The following NALF1 variants were observed in gnomAD, a reference collection of about 807,000 sequenced individuals.
The protein encoded by NALF1 is family with sequence similarity 155 member A.
In NALF1, 3 loss-of-function variants were observed where a neutral mutation model predicts 48.4. That is an observed-to-expected ratio of 0.06 (90% CI 0.03 to 0.16). The LOEUF (loss-of-function observed/expected upper bound fraction) is 0.16. Ranked by LOEUF, NALF1 falls within the 10% of genes least tolerant of loss-of-function variation. The pLI, the probability that NALF1 is intolerant of heterozygous loss-of-function variation, is 1.00. For synonymous variants in NALF1, 262 were observed against 245.7 expected (o/e 1.07, Z -0.62); for missense variants, 526 against 571.5 (o/e 0.92, Z 0.81).
chr13:107,492,760 T>A (rs1402111443), intron 1 of NALF1, among the ~76,000 whole-genome samples: 1 of 152,162 alleles, frequency 6.6e-6, no homozygotes, highest in Non-Finnish European at 1.5e-5. Context: ...TGGCTGTACA[T>A]CATGGATAGG....
chr13:107,269,430 G>A (rs1881109874), intron 1 of NALF1, among the ~76,000 whole-genome samples: 4 of 152,132 alleles, frequency 2.6e-5, no homozygotes, highest in Non-Finnish European at 5.9e-5. Context: ...AAAAAAGTCA[G>A]GGGTCCAGGG....
chr13:107,673,066 G>C (rs1405510916), intron 1 of NALF1, among the ~76,000 whole-genome samples: 2 of 152,124 alleles, frequency 1.3e-5, no homozygotes, highest in African/African-American at 4.8e-5. Flanking sequence ...GGTACCTATA[G>C]CAACTACACC....
chr13:107,782,717 A>C (rs1877933929), intron 1 of NALF1, among the ~76,000 whole-genome samples: 1 of 146,210 alleles, frequency 6.8e-6, no homozygotes, highest in Non-Finnish European at 1.5e-5. Context: ...CCCGTCTGGG[A>C]TGTGAGGAGC....
At chr13:107,672,636 T>C (rs1037665202) in intron 1 of NALF1, among the ~76,000 whole-genome samples, 1 of 152,210 alleles carries the variant, frequency 6.6e-6, no homozygotes, top group Non-Finnish European at 1.5e-5. Context: ...TCTGTGATTC[T>C]TTCACATTAT....
chr13:107,770,745 T>C (rs1459068522), intron 1 of NALF1, among the ~76,000 whole-genome samples: 4 of 152,250 alleles, frequency 2.6e-5, no homozygotes, highest in Non-Finnish European at 5.9e-5. Context: ...AATGGGCTCA[T>C]TGTAAATGTT....
At chr13:107,850,769 G>A (rs1195219243) in intron 1 of NALF1, among the ~76,000 whole-genome samples, 1 of 152,076 alleles carries the variant, frequency 6.6e-6, no homozygotes, top group East Asian at 1.9e-4. Context: ...CGAACGTGGT[G>A]GCATGTGCCT....
intron 1 of NALF1, among the ~76,000 whole-genome samples, chr13:107,552,106 A>T (rs1455260957): frequency 6.6e-6 from 1 of 152,130 alleles, no homozygotes; most frequent in Non-Finnish European, 1.5e-5. Context: ...GGGAAATCTA[A>T]GATAAATAGA....
At chr13:107,816,768 G>T (rs541541636) in intron 1 of NALF1, among the ~76,000 whole-genome samples, 1 of 152,026 alleles carries the variant, frequency 6.6e-6, no homozygotes, top group East Asian at 1.9e-4. Flanking sequence ...TAAATTAAAC[G>T]TACAACAGAA....
intron 1 of NALF1, among the ~76,000 whole-genome samples, chr13:107,792,553 A>G (rs1457501141): frequency 6.6e-6 from 1 of 152,204 alleles, no homozygotes; most frequent in Admixed American, 6.5e-5. Flanking sequence ...AAAATGGGAC[A>G]TTGTAAGTGC....
At chr13:107,453,752 A>C (rs1303078335) in intron 1 of NALF1, among the ~76,000 whole-genome samples, 1 of 152,234 alleles carries the variant, frequency 6.6e-6, no homozygotes, top group African/African-American at 2.4e-5. Context: ...CAAATTTACC[A>C]AACTTTTATG....
chr13:107,183,728 C>T (rs756120715), intron 2 of NALF1, among the ~76,000 whole-genome samples: 3 of 152,102 alleles, frequency 2.0e-5, no homozygotes, highest in Non-Finnish European at 4.4e-5. Context: ...TCATTCACAG[C>T]AAACTAACAC....
intron 1 of NALF1, among the ~76,000 whole-genome samples, chr13:107,621,965 G>A (rs572271506): frequency 3.3e-5 from 5 of 151,290 alleles, no homozygotes; most frequent in African/African-American, 9.7e-5. Context: ...TGTGATTCAT[G>A]GAATGACATC....
At chr13:107,457,391 T>C (rs1374611512) in intron 1 of NALF1, among the ~76,000 whole-genome samples, 1 of 152,148 alleles carries the variant, frequency 6.6e-6, no homozygotes, top group Non-Finnish European at 1.5e-5. Flanking sequence ...ATAGGTAATA[T>C]TGGCCTCAAT....
intron 1 of NALF1, among the ~76,000 whole-genome samples, chr13:107,698,531 C>T (rs959836765): frequency 5.9e-5 from 9 of 152,146 alleles, no homozygotes; most frequent in African/African-American, 2.2e-4. Flanking sequence ...TAATCCATTG[C>T]ATTATATATA....
chr13:107,699,682 G>A (rs1301679065), intron 1 of NALF1, among the ~76,000 whole-genome samples: 1 of 151,926 alleles, frequency 6.6e-6, no homozygotes, highest in East Asian at 1.9e-4. Flanking sequence ...AATCAGACAA[G>A]AAAAAGCAAT....
rs913123923 is a variant in NALF1, at chr13:107,804,443, C to T, written c.915+61239G>A. Among the ~76,000 whole-genome samples the T allele has an allele frequency of 1.3e-4, 19 of 150,498 alleles. 1 individual carries two copies. Among genetic ancestry groups the T allele is most frequent in the African/African-American group, 4.7e-4 (19 of 40,406 alleles). On this transcript the variant is annotated intron_variant, in intron 1 of 2. Transcript: ENST00000375915. ...CTCTGAGAACTTTCTCTGGTCTCTGCCACTATAAACATGTGTCCTATCCTC... is the reference window on the plus strand; with the variant it reads ...CTCTGAGAACTTTCTCTGGTCTCTGTCACTATAAACATGTGTCCTATCCTC...
At chr13:107,438,137 T>C (rs1159348053) in intron 1 of NALF1, among the ~76,000 whole-genome samples, 1 of 152,210 alleles carries the variant, frequency 6.6e-6, no homozygotes, top group Non-Finnish European at 1.5e-5. Context: ...CACCTTATAT[T>C]GCATGACTTG....
chr13:107,758,863 T>C (rs1566471060), intron 1 of NALF1, among the ~76,000 whole-genome samples: 1 of 152,200 alleles, frequency 6.6e-6, no homozygotes, highest in Non-Finnish European at 1.5e-5. Context: ...AGAATCTCAA[T>C]ACAGGTTTTA....
At chr13:107,370,843 C>A (rs985463882) in intron 1 of NALF1, among the ~76,000 whole-genome samples, 2 of 152,152 alleles carry the variant, frequency 1.3e-5, no homozygotes, top group African/African-American at 4.8e-5. Context: ...CTTCACATGG[C>A]AGCAGCAATG....
Sources: gnomAD v4.1 joint callset for allele counts (sites outside exome capture counted in the v4.1 genomes callset) on GRCh38, gnomAD v4.1.1 for gene constraint, MANE v1.5 for transcripts, NCBI Gene and HGNC (gene_info 2026-07-23, HGNC 2026-07-21) for gene names.